The following KRI1 variants were observed in gnomAD, a reference collection of about 807,000 sequenced individuals.
The protein encoded by KRI1 is protein KRI1 homolog.
A neutral mutation model predicts 97.0 loss-of-function variants in KRI1; 83 were observed. The ratio of observed to expected loss-of-function variants is 0.86; its 90% CI spans 0.72 to 1.03. The LOEUF (loss-of-function observed/expected upper bound fraction) is 1.03, where lower values mean the gene tolerates loss of function less well. Ranked by LOEUF, KRI1 falls within the 50% of genes least tolerant of loss-of-function variation. KRI1 has a pLI of 0.00. For missense variants in KRI1, 916 were observed against 928.4 expected, an observed-to-expected ratio of 0.99 and a Z score of 0.17; for synonymous variants, 371 against 363.5, an observed-to-expected ratio of 1.02 and a Z score of -0.23.
intron 16 of KRI1, among the ~76,000 whole-genome samples, chr19:10,557,174 G>A (rs1265746934): frequency 4.8e-5 from 7 of 146,358 alleles, no homozygotes; most frequent in African/African-American, 1.5e-4. Context: ...GTGCAATCTC[G>A]GCTCATTGCA....
intron 6 of KRI1, 100 bp downstream of exon 6, chr19:10,561,567 A>G: frequency 8.7e-7 from 1 of 1,150,640 alleles, no homozygotes; most frequent in South Asian, 1.2e-5. Flanking sequence ...AGGAAACTGA[A>G]GCACATAGAA....
At position 10,564,788 on chromosome 19, in the gene KRI1, G is replaced by A. The variant is rs532844268; in HGVS notation, c.274+141C>T. ...TCTATCCTTAAAACAGCCCTGAGGG[G>A]AGATGCTACCGTTAGATATACTTTA... On this transcript the variant is annotated intron_variant, in intron 3 of 18. Transcript: ENST00000312962. 1.2e-4 allele frequency: 84 copies of A among 707,484 alleles called. 1 individual carries two copies. The African/African-American group carries it at 1.4e-3, about 12-fold the overall frequency. The allele number at this position is 707,484 out of a possible 1,614,324, so 43.8% of individuals were successfully genotyped here.
chr19:10,561,690 C>T lies in KRI1; in HGVS notation c.465G>A (p.Glu155=). 1 of 1,614,042 alleles carries T rather than the reference C, an allele frequency of 6.2e-7. No individual in the cohort carries two copies. The highest frequency in any genetic ancestry group is 8.5e-7 in the Non-Finnish European group (1 of 1,179,988). The change falls in exon 6 of 19, where the codon GAG becomes GAA. Residue 155 remains glutamate (E), a synonymous_variant. Transcript: ENST00000312962. ...ACCTTTCCTTGAGCTGTTTCTGTTC[C>T]TCCACATAACTTTGCGACGATGTCT... ...LQETSSQSYV[E]EQKQLKESFR... is the part of the protein sequence containing the mutation.
chr19:10,560,646 G>A (rs769557500), intron 8 of KRI1, among the ~76,000 whole-genome samples, 198 bp from the exon 9 acceptor site: 1 of 152,170 alleles, frequency 6.6e-6, no homozygotes, highest in Non-Finnish European at 1.5e-5. Context: ...GCTCACTGCA[G>A]ACCCAACCTC....
At chr19:10,563,124 C>T (rs903647736) in intron 3 of KRI1, among the ~76,000 whole-genome samples, 7 of 151,920 alleles carry the variant, frequency 4.6e-5, no homozygotes, top group African/African-American at 1.7e-4. Flanking sequence ...GGCATGATCT[C>T]GGCTCACTGC....
intron 12 of KRI1, 128 bp downstream of exon 12, chr19:10,559,231 C>T: frequency 6.1e-6 from 6 of 990,306 alleles, no homozygotes; most frequent in Non-Finnish European, 5.9e-6. Flanking sequence ...TCTCGAACTC[C>T]TGACCTCAGG....
At chr19:10,561,102 G>A (rs761946215) in intron 7 of KRI1, 22 bp from the exon 8 acceptor site, 1 of 1,613,492 alleles carries the variant, frequency 6.2e-7, no homozygotes, top group Non-Finnish European at 8.5e-7. Context: ...CTAGCACTGA[G>A]CATCCGCAGA....
chr19:10,554,916 C>T (rs1260028384), intron 18 of KRI1, among the ~76,000 whole-genome samples, 171 bp downstream of exon 18: 1 of 152,144 alleles, frequency 6.6e-6, no homozygotes, highest in Non-Finnish European at 1.5e-5. Context: ...AGAGGGGTAG[C>T]GACTTGCCCA....
rs1916582070 is a variant in KRI1, at chr19:10,558,257, G to A, written c.1195-18C>T. ...AAGCACTTCTGCAGGGTCAGGGCTG[G>A]CGGTTACCAGAGCCCACTCGAGACA... On this transcript the variant is annotated intron_variant, in intron 12 of 18. Transcript: ENST00000312962. The A allele has an allele frequency of 6.2e-7, 1 of 1,613,514 alleles. No individual in the cohort carries two copies. The highest frequency in any genetic ancestry group is 8.5e-7 in the Non-Finnish European group (1 of 1,179,532).
rs749364899 is a variant in KRI1, at chr19:10,565,667, AG to A, written c.168+49del. The A allele has an allele frequency of 5.9e-6, 9 of 1,521,448 alleles. No individual in the cohort carries two copies. In the East Asian group the frequency reaches 1.8e-4, roughly 30 times the overall value. The allele number at this position is 1,521,448 out of a possible 1,614,324, so 94.2% of individuals were successfully genotyped here. On this transcript the variant is annotated intron_variant, in intron 2 of 18. Transcript: ENST00000312962. ...CGTCTACATCGGGGTCGGGGTGCAG[AG>A]GGGGGCTTGGACGCCTCCGCACGTC...
Position 10,559,815 on chromosome 19 carries a change from C to T in KRI1, c.922G>A (p.Ala308Thr). The change falls in exon 10 of 19, where the codon GCA (alanine) becomes ACA (threonine). Residue 308 changes from alanine to threonine, a missense_variant. Coordinates refer to ENST00000312962, the MANE Select transcript of KRI1 (RefSeq NM_023008.5). ...YNFRFEEPDS[A>T]SVKTYPRSIA... ...CCCCAGCCCCAGCCACACACCGATG[C>T]TGAGTCCGGCTCCTCGAAACGGAAA... 1 of 1,613,916 alleles carries T rather than the reference C, an allele frequency of 6.2e-7. No homozygotes were observed. The highest frequency in any genetic ancestry group is 2.2e-5 in the East Asian group (1 of 44,872).
rs531141762 is a variant in KRI1 at position 10,553,260 on chromosome 19, G to C, written c.*691C>G. On this transcript the variant is annotated 3_prime_UTR_variant, in exon 19 of 19. Transcript: ENST00000312962. ...GCCCATACACCTGTCTCCCACCAGC[G>C]GGGCCCTCCTGGCAGGGTAGGGAAG... 2 of 702,590 alleles carry C rather than the reference G, an allele frequency of 2.8e-6. No homozygotes were observed. The highest frequency in any genetic ancestry group is 4.4e-6 in the Non-Finnish European group (2 of 454,584). The allele number at this position is 702,590 out of a possible 1,614,324, so 43.5% of individuals were successfully genotyped here.
intron 6 of KRI1, 23 bp from the exon 7 acceptor site, chr19:10,561,288 C>T (rs1916690603): frequency 1.2e-6 from 2 of 1,608,954 alleles, no homozygotes; most frequent in Non-Finnish European, 1.7e-6. Context: ...GAAAACAAGC[C>T]TCAGGACAGG....
At position 10,554,161 on chromosome 19, in the gene KRI1, C is replaced by T. The variant is rs372751419; in HGVS notation, c.1902G>A (p.Glu634=). The part of the protein sequence containing the change: ...MGPESPPAQE[E]EAPVSPHKKP... The stretch of plus-strand genomic sequence containing the variant: ...TCTTGTGGGGTGATACAGGGGCTTC[C>T]TCTTCCTGTGCTGGGGGACTCTCCG... Residue 634 remains glutamate (E), a synonymous_variant, in exon 19 of 19, where the codon GAG becomes GAA. Transcript: ENST00000312962. 3.0e-5 allele frequency: 48 copies of T among 1,613,904 alleles called. No individual in the cohort carries two copies. The South Asian group carries it at 5.1e-4, about 17-fold the overall frequency.
chr19:10,562,705 T>A, intron 4 of KRI1, 24 bp downstream of exon 4: 1 of 1,314,372 alleles, frequency 7.6e-7, no homozygotes. Flanking sequence ...AACCAGGGGG[T>A]GGGGATGTAG....
At chr19:10,560,878 G>C in intron 8 of KRI1, 125 bp downstream of exon 8, 1 of 728,362 alleles carries the variant, frequency 1.4e-6, no homozygotes, top group East Asian at 2.6e-5. Context: ...CCCATTTAAA[G>C]AGATGTAGGA....
intron 4 of KRI1, 72 bp from the exon 5 acceptor site, chr19:10,561,917 G>T: frequency 7.1e-7 from 1 of 1,404,096 alleles, no homozygotes; most frequent in East Asian, 2.3e-5. Context: ...ATGCGGAGCA[G>T]CTATTCCAAG....
intron 4 of KRI1, among the ~76,000 whole-genome samples, chr19:10,562,286 GTGATC>G (rs1346871778): frequency 1.3e-5 from 2 of 151,938 alleles, no homozygotes; most frequent in Non-Finnish European, 2.9e-5. Context: ...TTGACCTCAG[GTGATC>G]TGCCCGCCTC....
intron 2 of KRI1, 83 bp downstream of exon 2, chr19:10,565,634 T>C (rs1369554699): frequency 5.8e-5 from 84 of 1,458,358 alleles, no homozygotes; most frequent in Non-Finnish European, 7.5e-5. Context: ...GGGTTGGGGG[T>C]TCCCCCCCGT....
Sources: gnomAD v4.1 joint callset for allele counts (sites outside exome capture counted in the v4.1 genomes callset) on GRCh38, gnomAD v4.1.1 for gene constraint, MANE v1.5 for transcripts, NCBI Gene and HGNC (gene_info 2026-07-23, HGNC 2026-07-21) for gene names.